Variants in STXBP5L observed in about 807,000 individuals in gnomAD.
STXBP5L encodes syntaxin-binding protein 5-like.
Under a neutral mutation model 144.5 loss-of-function variants are expected in STXBP5L, and 65 were observed. The ratio of observed to expected loss-of-function variants is 0.45; its 90% CI spans 0.37 to 0.55. STXBP5L has a LOEUF of 0.55. STXBP5L is among the 20% of genes least tolerant of loss of function. The pLI is 0.00. For missense variants in STXBP5L, 1,298 were observed against 1,405.5 expected (o/e 0.92, Z 1.22); for synonymous variants, 505 against 469.6 (o/e 1.08, Z -0.97).
In STXBP5L at chr3:121,121,632, A is replaced by T. The variant is rs1034169440; in HGVS notation, c.606-9A>T. ...GGTTTTTAATTACTGTTTTGAATTG[A>T]TTTAACAGATCCACTAAGACTCATC... On this transcript the variant is annotated splice_polypyrimidine_tract_variant and intron_variant, in intron 6 of 26. Transcript: ENST00000471454. 5.0e-6 allele frequency: 8 copies of T among 1,589,374 alleles called. No individual in the cohort carries two copies. Among genetic ancestry groups the T allele is most frequent in the African/African-American group, 1.3e-5 (1 of 74,500 alleles).
chr3:121,373,233 G>A (rs758407639), intron 20 of STXBP5L, among the ~76,000 whole-genome samples: 31 of 152,224 alleles, frequency 2.0e-4, no homozygotes, highest in Non-Finnish European at 3.4e-4. Flanking sequence ...TCACACCTAG[G>A]AGGGATGCTC....
At chr3:121,172,604 A>G (rs1359490454) in intron 9 of STXBP5L, among the ~76,000 whole-genome samples, 1 of 152,254 alleles carries the variant, frequency 6.6e-6, no homozygotes, top group African/African-American at 2.4e-5. Flanking sequence ...TGGTCATTAG[A>G]GAAATGCAAA....
At chr3:121,190,485 CTCTT>C (rs1166332278) in intron 9 of STXBP5L, among the ~76,000 whole-genome samples, 31 of 152,234 alleles carry the variant, frequency 2.0e-4, no homozygotes, top group Non-Finnish European at 3.1e-4. Flanking sequence ...AATCCGATCT[CTCTT>C]TCTTTTCCCC....
chr3:121,402,958 T>C (rs2046916540), intron 22 of STXBP5L, among the ~76,000 whole-genome samples: 10 of 152,142 alleles, frequency 6.6e-5, no homozygotes, highest in Admixed American at 6.5e-4. Flanking sequence ...GCCACCTGAG[T>C]AGCTGGGACT....
At position 121,129,454 on chromosome 3, in the gene STXBP5L, G is replaced by T. The variant is rs2044868886; in HGVS notation, c.669+7750G>T. Among the ~76,000 whole-genome samples, 3 of 151,838 alleles carry T rather than the reference G, an allele frequency of 2.0e-5. No homozygotes were observed. In the South Asian group the frequency reaches 6.2e-4, roughly 31 times the overall value. On this transcript the variant is annotated intron_variant, in intron 7 of 26. Transcript: ENST00000471454. Reference sequence around the variant, plus strand: ...AAAAAAAAAAAATAGATTGAGGTTGGTAATAGTACATCGCTATAAAAATAA... The same window carrying T: ...AAAAAAAAAAAATAGATTGAGGTTGTTAATAGTACATCGCTATAAAAATAA...
chr3:121,357,837 G>A (rs571078281), intron 20 of STXBP5L: 92 of 152,154 alleles, frequency 6.0e-4, no homozygotes, highest in Middle Eastern at 6.8e-3. Context: ...ACTTCCACAC[G>A]CATACAAAAG....
intron 20 of STXBP5L, among the ~76,000 whole-genome samples, chr3:121,340,283 T>C (rs533173104): frequency 1.3e-5 from 2 of 152,156 alleles, no homozygotes; most frequent in East Asian, 3.9e-4. Flanking sequence ...TGACAAAGTA[T>C]AGAAAGGCAT....
intron 5 of STXBP5L, among the ~76,000 whole-genome samples, chr3:121,096,245 C>T (rs1421749425): frequency 1.3e-5 from 2 of 152,178 alleles, no homozygotes; most frequent in African/African-American, 4.8e-5. Flanking sequence ...CTTGGAACCA[C>T]CTCCTCCTCT....
intron 22 of STXBP5L, among the ~76,000 whole-genome samples, chr3:121,386,307 A>C (rs2046424887): frequency 6.6e-6 from 1 of 152,146 alleles, no homozygotes; most frequent in South Asian, 2.1e-4. Flanking sequence ...CTTATAAGTG[A>C]GAACATGTAG....
At chr3:121,310,556 A>G (rs928483539) in intron 19 of STXBP5L, among the ~76,000 whole-genome samples, 8 of 151,928 alleles carry the variant, frequency 5.3e-5, no homozygotes, top group African/African-American at 1.9e-4. Context: ...CAGAGCTTGT[A>G]GTGAGCCGAA....
intron 5 of STXBP5L, among the ~76,000 whole-genome samples, chr3:121,071,670 T>G (rs2041817115): frequency 1.3e-4 from 20 of 152,240 alleles, no homozygotes; most frequent in Admixed American, 1.3e-3. Flanking sequence ...TTCTATTGTT[T>G]GACCCAGAGT....
intron 9 of STXBP5L, among the ~76,000 whole-genome samples, chr3:121,159,662 C>T (rs2046245629): frequency 6.9e-6 from 1 of 144,384 alleles, no homozygotes; most frequent in East Asian, 2.0e-4. Flanking sequence ...CGGAGTCTCG[C>T]TCTTTCGCCC....
At chr3:121,320,821 C>G (rs186556568) in intron 20 of STXBP5L, among the ~76,000 whole-genome samples, 1 of 151,924 alleles carries the variant, frequency 6.6e-6, no homozygotes. Context: ...CTGCCTCAGC[C>G]TCCCAAGTAG....
At chr3:121,054,541 A>C (rs1052081870) in intron 5 of STXBP5L, among the ~76,000 whole-genome samples, 1 of 140,706 alleles carries the variant, frequency 7.1e-6, no homozygotes, top group African/African-American at 2.7e-5. Flanking sequence ...TTGAACAATG[A>C]GAACACATGG....
intron 22 of STXBP5L, among the ~76,000 whole-genome samples, chr3:121,405,483 A>C (rs1374211907): frequency 6.6e-6 from 1 of 152,108 alleles, no homozygotes; most frequent in African/African-American, 2.4e-5. Context: ...CATAGAATGT[A>C]CTTGATACTG....
In STXBP5L at chr3:120,912,950, A is replaced by G. The variant is rs535955406; in HGVS notation, c.189+3183A>G. Among the ~76,000 whole-genome samples the G allele has an allele frequency of 5.1e-4, 78 of 152,130 alleles. 3 individuals carry two copies. The South Asian group carries it at 0.016, about 31-fold the overall frequency. ...TCTCATTCTTTCGTTTCTGACTAGA[A>G]TACCTTTTCTACTTTCATACGATTG... On this transcript the variant is annotated intron_variant, in intron 2 of 26. Coordinates refer to ENST00000471454, the MANE Select transcript of STXBP5L (RefSeq NM_001308330.2).
chr3:121,051,562 G>C (rs576330000), intron 5 of STXBP5L, among the ~76,000 whole-genome samples: 14 of 152,256 alleles, frequency 9.2e-5, no homozygotes, highest in African/African-American at 3.4e-4. Context: ...CAACATACCA[G>C]AATCTCTGGG....
intron 9 of STXBP5L, among the ~76,000 whole-genome samples, chr3:121,188,903 C>T (rs1005043586): frequency 4.6e-5 from 7 of 152,162 alleles, no homozygotes; most frequent in African/African-American, 1.7e-4. Context: ...TGGCACAAGA[C>T]AGGGATGCCC....
chr3:120,981,748 T>G (rs1941796803), intron 3 of STXBP5L, among the ~76,000 whole-genome samples: 1 of 152,200 alleles, frequency 6.6e-6, no homozygotes, highest in Non-Finnish European at 1.5e-5. Flanking sequence ...AACACTTTGT[T>G]TTTTCATATT....
Sources: gnomAD v4.1 joint callset for allele counts (sites outside exome capture counted in the v4.1 genomes callset) on GRCh38, gnomAD v4.1.1 for gene constraint, MANE v1.5 for transcripts, NCBI Gene and HGNC (gene_info 2026-07-23, HGNC 2026-07-21) for gene names.